Variants in RFPL1 observed in about 807,000 individuals in gnomAD.
The protein encoded by RFPL1 is ret finger protein like 1, also known as ret finger protein-like 1.
Under a neutral mutation model 9.6 loss-of-function variants are expected in RFPL1, and 6 were observed. The ratio of observed to expected loss-of-function variants is 0.62; its 90% CI spans 0.34 to 1.23. The LOEUF is 1.23. RFPL1 is among the 50% of genes most tolerant of loss of function. RFPL1 has a pLI of 0.03. For synonymous variants in RFPL1, 145 were observed against 149.4 expected, an observed-to-expected ratio of 0.97 and a Z score of 0.22; for missense variants, 352 against 398.4, an observed-to-expected ratio of 0.88 and a Z score of 0.99.
the RFPL1 span, among the ~76,000 whole-genome samples, chr22:29,397,225 G>A: frequency 1.3e-5 from 2 of 152,132 alleles, no homozygotes; most frequent in African/African-American, 4.8e-5. Flanking sequence ...AACTTCTTAA[G>A]TAGTTCCCAC....
At chr22:29,403,749 T>C in the RFPL1 span, among the ~76,000 whole-genome samples, 2 of 152,136 alleles carry the variant, frequency 1.3e-5, no homozygotes, top group African/African-American at 4.8e-5. Context: ...GTCTCTCCTA[T>C]TAAGTGAAAT....
chr22:29,440,299 A>G (rs2062831807), intron 1 of RFPL1: 1 of 152,198 alleles, frequency 6.6e-6, no homozygotes, highest in African/African-American at 2.4e-5. Flanking sequence ...CTAATTCACC[A>G]TCAAACAGCA....
At chr22:29,421,798 CT>C in the RFPL1 span, among the ~76,000 whole-genome samples, 1 of 151,898 alleles carries the variant, frequency 6.6e-6, no homozygotes, top group South Asian at 2.1e-4. Flanking sequence ...ACAGTCCCCC[CT>C]GGACCCAGTA....
chr22:29,422,151 T>G, the RFPL1 span, among the ~76,000 whole-genome samples: 1 of 152,142 alleles, frequency 6.6e-6, no homozygotes, highest in Non-Finnish European at 1.5e-5. Flanking sequence ...AACCAAAATA[T>G]CCAACGATAT....
the RFPL1 span, among the ~76,000 whole-genome samples, chr22:29,391,313 C>G: frequency 1.3e-5 from 2 of 152,038 alleles, no homozygotes; most frequent in African/African-American, 2.4e-5. Flanking sequence ...AGATGGCCGC[C>G]CTCTTGCTAT....
the RFPL1 span, among the ~76,000 whole-genome samples, chr22:29,422,302 G>A: frequency 7.3e-3 from 1,109 of 152,252 alleles, 14 homozygotes; most frequent in African/African-American, 0.025. Flanking sequence ...AAAACTGCCA[G>A]GTGCAGTGGC....
chr22:29,420,893 G>A, the RFPL1 span, among the ~76,000 whole-genome samples: 5 of 151,536 alleles, frequency 3.3e-5, no homozygotes, highest in African/African-American at 9.7e-5. Flanking sequence ...CACCTGCCTT[G>A]GCCTCCCAAA....
the RFPL1 span, among the ~76,000 whole-genome samples, chr22:29,413,008 C>T: frequency 1.3e-5 from 2 of 152,054 alleles, no homozygotes; most frequent in Admixed American, 6.6e-5. Flanking sequence ...TCCCCAGCCC[C>T]ACACAGTGAC....
At chr22:29,437,478 A>T, upstream of RFPL1, 1 of 826,448 alleles carries the variant, frequency 1.2e-6, no homozygotes, top group Admixed American at 2.8e-5. Context: ...TCTTATCTTC[A>T]TATGAAAGAA....
upstream of RFPL1, among the ~76,000 whole-genome samples, chr22:29,436,071 G>A (rs1396167642): frequency 2.0e-5 from 3 of 152,058 alleles, no homozygotes; most frequent in Non-Finnish European, 4.4e-5. Flanking sequence ...AGCTTGGGGA[G>A]AGGTTGGTTA....
At chr22:29,415,885 G>A in the RFPL1 span, among the ~76,000 whole-genome samples, 2 of 152,194 alleles carry the variant, frequency 1.3e-5, no homozygotes, top group Non-Finnish European at 2.9e-5. Flanking sequence ...ATTAGGGTGG[G>A]GGTTAATCTT....
chr22:29,422,454 T>C, the RFPL1 span, among the ~76,000 whole-genome samples: 1 of 152,166 alleles, frequency 6.6e-6, no homozygotes, highest in South Asian at 2.1e-4. Context: ...GGTGCATGCC[T>C]GTAATCCCAT....
At chr22:29,430,274 C>G in the RFPL1 span, among the ~76,000 whole-genome samples, 1 of 152,070 alleles carries the variant, frequency 6.6e-6, no homozygotes, top group African/African-American at 2.4e-5. Flanking sequence ...AGCAATCACC[C>G]CATCTCAGCC....
chr22:29,389,293 CAGG>C, the RFPL1 span, among the ~76,000 whole-genome samples: 1 of 151,960 alleles, frequency 6.6e-6, no homozygotes, highest in Non-Finnish European at 1.5e-5. Flanking sequence ...GAGCCTGAGG[CAGG>C]AGAATAGCTT....
chr22:29,425,972 G>T, the RFPL1 span, among the ~76,000 whole-genome samples: 1 of 152,138 alleles, frequency 6.6e-6, no homozygotes, highest in Non-Finnish European at 1.5e-5. Context: ...GACACGAATG[G>T]AATATATGGA....
chr22:29,404,157 C>T, the RFPL1 span, among the ~76,000 whole-genome samples: 1 of 151,726 alleles, frequency 6.6e-6, no homozygotes, highest in African/African-American at 2.4e-5. Context: ...AAAGGGAGAA[C>T]ATGCGGTAAC....
chr22:29,388,014 A>G, the RFPL1 span, among the ~76,000 whole-genome samples: 1 of 152,170 alleles, frequency 6.6e-6, no homozygotes, highest in African/African-American at 2.4e-5. Flanking sequence ...ACCGTTTTCT[A>G]GTTTTTTTTT....
At chr22:29,411,341 C>A in the RFPL1 span, among the ~76,000 whole-genome samples, 1 of 152,086 alleles carries the variant, frequency 6.6e-6, no homozygotes, top group Non-Finnish European at 1.5e-5. Flanking sequence ...TGCTGAGAGC[C>A]AGGATATGAA....
chr22:29,424,970 C>A, the RFPL1 span, among the ~76,000 whole-genome samples: 10 of 151,748 alleles, frequency 6.6e-5, no homozygotes, highest in Non-Finnish European at 1.3e-4. Flanking sequence ...TTTGGGAGGC[C>A]CAGGCGGGCG....
Sources: allele counts gnomAD v4.1 joint callset (sites outside exome capture counted in the v4.1 genomes callset), GRCh38; gene constraint gnomAD v4.1.1; transcripts MANE v1.5; gene names NCBI Gene and HGNC (gene_info 2026-07-23, HGNC 2026-07-21).